HCRTR2: variants seen among roughly 807,000 people sequenced by gnomAD.
HCRTR2 encodes hypocretin receptor 2.
A neutral mutation model predicts 49.0 loss-of-function variants in HCRTR2; 22 were observed. The ratio of observed to expected loss-of-function variants is 0.45; its 90% confidence interval spans 0.32 to 0.64. The LOEUF (loss-of-function observed/expected upper bound fraction) is 0.64. Among genes scored for constraint, HCRTR2 ranks in the 30% least tolerant of loss-of-function variants. HCRTR2 has a pLI of 0.04. For synonymous variants in HCRTR2, 236 were observed against 205.3 expected (o/e 1.15, Z -1.28); for missense variants, 491 against 559.4 (o/e 0.88, Z 1.23).
At chr6:55,122,313 C>T (rs1384925886) in intron 1 of HCRTR2, among the ~76,000 whole-genome samples, 1 of 151,962 alleles carries the variant, frequency 6.6e-6, no homozygotes, top group African/African-American at 2.4e-5. Flanking sequence ...GGTGATATCC[C>T]CTTTATCATT....
At chr6:55,268,437 T>C (rs961811424) in intron 4 of HCRTR2, among the ~76,000 whole-genome samples, 37 of 151,898 alleles carry the variant, frequency 2.4e-4, no homozygotes, top group African/African-American at 8.7e-4. Flanking sequence ...ACCAATAATT[T>C]AAAAAAACCC....
At chr6:55,258,247 C>CTT (rs1766689834) in intron 3 of HCRTR2, among the ~76,000 whole-genome samples, 2 of 152,002 alleles carry the variant, frequency 1.3e-5, no homozygotes, top group Non-Finnish European at 2.9e-5. Flanking sequence ...ATCTGTGTTT[C>CTT]TTATCTTTAT....
Position 55,158,487 on chromosome 6 carries a change from C to T in HCRTR2, c.-377-15724C>T, listed in dbSNP as rs373495522. 7.7e-4 allele frequency among the ~76,000 whole-genome samples: 117 copies of T among 152,194 alleles called. 1 individual carries two copies. Among genetic ancestry groups the T allele is most frequent in the African/African-American group, 2.4e-3 (99 of 41,528 alleles). ...CACTCTCCTGGAAAGGGAGCTGAAG[C>T]CAGGGAACCCAGTGGTCTAGCTCGG... On this transcript the variant is annotated intron_variant, in intron 1 of 7. Transcript: ENST00000615358.
At chr6:55,200,695 A>G (rs962637110) in intron 1 of HCRTR2, among the ~76,000 whole-genome samples, 2 of 152,158 alleles carry the variant, frequency 1.3e-5, no homozygotes, top group Non-Finnish European at 2.9e-5. Context: ...GATATTTGGT[A>G]TTCATGACAA....
upstream of HCRTR2, among the ~76,000 whole-genome samples, chr6:55,171,914 G>A (rs1000072831): frequency 3.3e-5 from 5 of 152,152 alleles, no homozygotes; most frequent in African/African-American, 1.2e-4. Context: ...CAATGACAAG[G>A]AATTTGCAGA....
chr6:55,240,022 C>G (rs1766293883), intron 1 of HCRTR2, among the ~76,000 whole-genome samples: 1 of 151,918 alleles, frequency 6.6e-6, no homozygotes. Context: ...GGTGATCCCC[C>G]CGCCTCGTTC....
chr6:55,130,032 T>G (rs1764332557), intron 1 of HCRTR2, among the ~76,000 whole-genome samples: 1 of 152,002 alleles, frequency 6.6e-6, no homozygotes, highest in Non-Finnish European at 1.5e-5. Flanking sequence ...CCTACTAATG[T>G]TTCAAACTCA....
chr6:55,136,098 T>G (rs193054223), intron 1 of HCRTR2, among the ~76,000 whole-genome samples: 1 of 152,332 alleles, frequency 6.6e-6, no homozygotes, highest in East Asian at 1.9e-4. Context: ...GAATAGGGTT[T>G]AACTATTCCA....
chr6:55,172,286 C>T (rs371302467), upstream of HCRTR2, among the ~76,000 whole-genome samples: 1 of 152,044 alleles, frequency 6.6e-6, no homozygotes, highest in Non-Finnish European at 1.5e-5. Flanking sequence ...TCTAATGTGA[C>T]CTTTGGGATT....
chr6:55,244,570 C>G (rs9475215), intron 1 of HCRTR2, among the ~76,000 whole-genome samples: 1 of 151,900 alleles, frequency 6.6e-6, no homozygotes, highest in Non-Finnish European at 1.5e-5. Context: ...GCACAAAGTC[C>G]AGTGATAAGT....
chr6:55,187,870 G>A (rs537492822), intron 1 of HCRTR2, among the ~76,000 whole-genome samples: 14 of 152,094 alleles, frequency 9.2e-5, no homozygotes, highest in East Asian at 7.7e-4. Flanking sequence ...TCCGCCTCCC[G>A]GGTTCACACC....
intron 4 of HCRTR2, among the ~76,000 whole-genome samples, chr6:55,267,317 C>T (rs779434998): frequency 1.7e-4 from 25 of 151,058 alleles, no homozygotes; most frequent in Non-Finnish European, 3.1e-4. Flanking sequence ...ATTGTGTGTC[C>T]TTGTCTGACT....
chr6:55,130,743 A>T (rs944591237), intron 1 of HCRTR2, among the ~76,000 whole-genome samples: 5 of 151,800 alleles, frequency 3.3e-5, no homozygotes, highest in African/African-American at 1.2e-4. Flanking sequence ...TACCCCAGGG[A>T]TTTTCTATAT....
chr6:55,239,069 C>A (rs1009049995), intron 1 of HCRTR2, among the ~76,000 whole-genome samples: 7 of 152,132 alleles, frequency 4.6e-5, no homozygotes, highest in Non-Finnish European at 8.8e-5. Flanking sequence ...AATGAGTTAT[C>A]TACAAAGTGT....
intron 1 of HCRTR2, among the ~76,000 whole-genome samples, chr6:55,214,480 T>C (rs973894661): frequency 6.6e-6 from 1 of 152,050 alleles, no homozygotes; most frequent in Non-Finnish European, 1.5e-5. Context: ...TAGAGACACA[T>C]GCCACTGTGC....
At chr6:55,223,033 T>A (rs951434892) in intron 1 of HCRTR2, among the ~76,000 whole-genome samples, 2 of 152,230 alleles carry the variant, frequency 1.3e-5, no homozygotes, top group Admixed American at 1.3e-4. Context: ...CAGTAGAGTT[T>A]ACTTAATTTG....
intron 1 of HCRTR2, among the ~76,000 whole-genome samples, chr6:55,179,055 C>T (rs1464303325): frequency 1.3e-5 from 2 of 151,806 alleles, no homozygotes; most frequent in African/African-American, 4.8e-5. Context: ...AACAGTTTAC[C>T]CAAGTTAGGT....
chr6:55,242,882 T>C (rs1488912266), intron 1 of HCRTR2, among the ~76,000 whole-genome samples: 1 of 152,184 alleles, frequency 6.6e-6, no homozygotes, highest in Admixed American at 6.5e-5. Flanking sequence ...ATTTTCCCAT[T>C]TGAAAATCAG....
intron 1 of HCRTR2, among the ~76,000 whole-genome samples, chr6:55,244,633 A>T (rs549260304): frequency 6.6e-6 from 1 of 152,204 alleles, no homozygotes; most frequent in South Asian, 2.1e-4. Flanking sequence ...TTTACTTTGT[A>T]CTTTTACAAC....
Sources: allele counts gnomAD v4.1 joint callset (sites outside exome capture counted in the v4.1 genomes callset), GRCh38; gene constraint gnomAD v4.1.1; transcripts MANE v1.5; gene names NCBI Gene and HGNC (gene_info 2026-07-23, HGNC 2026-07-21).